RUNX1T1: variants seen among roughly 807,000 people sequenced by gnomAD.
The protein encoded by RUNX1T1 is RUNX1 partner transcriptional co-repressor 1, also known as protein CBFA2T1.
A neutral mutation model predicts 62.8 loss-of-function variants in RUNX1T1; 4 were observed. That is an observed-to-expected ratio of 0.06 (90% CI 0.03 to 0.15). The LOEUF (loss-of-function observed/expected upper bound fraction) is 0.15. Among genes scored for constraint, RUNX1T1 ranks in the 10% least tolerant of loss-of-function variants. RUNX1T1 has a pLI of 1.00. For synonymous variants in RUNX1T1, 291 were observed against 286.0 expected, an observed-to-expected ratio of 1.02 and a Z score of -0.18; for missense variants, 508 against 754.3, an observed-to-expected ratio of 0.67 and a Z score of 3.82.
At chr8:92,082,991 T>C (rs1835518430) in intron 1 of RUNX1T1, among the ~76,000 whole-genome samples, 1 of 152,182 alleles carries the variant, frequency 6.6e-6, no homozygotes, top group Non-Finnish European at 1.5e-5. Flanking sequence ...GCCACTACAA[T>C]GGTTTTCAGC....
intron 1 of RUNX1T1, among the ~76,000 whole-genome samples, chr8:92,055,340 G>A (rs1230166953): frequency 6.6e-6 from 1 of 152,172 alleles, no homozygotes; most frequent in Non-Finnish European, 1.5e-5. Context: ...TTTTAAAGAT[G>A]TTCTTTAGAA....
chr8:91,961,948 T>C (rs542908241), intron 10 of RUNX1T1, among the ~76,000 whole-genome samples: 1 of 152,380 alleles, frequency 6.6e-6, no homozygotes, highest in Non-Finnish European at 1.5e-5. Context: ...TACTGTGTTC[T>C]CTACATTTGC....
At chr8:91,972,213 A>G (rs150423856) in intron 9 of RUNX1T1, among the ~76,000 whole-genome samples, 26 of 152,232 alleles carry the variant, frequency 1.7e-4, no homozygotes, top group African/African-American at 4.1e-4. Flanking sequence ...TGTTTCTTCA[A>G]TTCCTCTGGT....
chr8:92,007,524 C>A (rs1349853508), intron 4 of RUNX1T1, among the ~76,000 whole-genome samples: 2 of 151,682 alleles, frequency 1.3e-5, no homozygotes, highest in African/African-American at 4.8e-5. Flanking sequence ...AATGGGGATG[C>A]ATTCTGAGAG....
intron 1 of RUNX1T1, chr8:92,017,619 C>T (rs1475872084): frequency 1.3e-5 from 17 of 1,349,076 alleles, no homozygotes; most frequent in Non-Finnish European, 1.6e-5. Flanking sequence ...TAGGCAGATG[C>T]TACCTTGGTA....
At chr8:91,970,038 GTGTGT>G (rs1267311177) in intron 10 of RUNX1T1, among the ~76,000 whole-genome samples, 5 of 56,682 alleles carry the variant, frequency 8.8e-5, no homozygotes, top group East Asian at 6.8e-3. Context: ...GTGTGTGTGT[GTGTGT>G]TGTGTGTGTG....
At chr8:92,011,554 G>A (rs1173189018) in intron 3 of RUNX1T1, among the ~76,000 whole-genome samples, 1 of 152,164 alleles carries the variant, frequency 6.6e-6, no homozygotes, top group Non-Finnish European at 1.5e-5. Flanking sequence ...TCCTCCTCCT[G>A]TATTTCCATC....
chr8:91,978,343 T>C (rs537102874), intron 8 of RUNX1T1, among the ~76,000 whole-genome samples: 20 of 152,298 alleles, frequency 1.3e-4, no homozygotes, highest in African/African-American at 3.6e-4. Context: ...GCTGTGAAGA[T>C]TGAAGGAAGT....
intron 5 of RUNX1T1, among the ~76,000 whole-genome samples, chr8:92,003,722 T>C (rs1422659063): frequency 6.6e-6 from 1 of 152,200 alleles, no homozygotes; most frequent in Non-Finnish European, 1.5e-5. Context: ...TTGAGCCACC[T>C]CTTGGTTTTC....
intron 5 of RUNX1T1, among the ~76,000 whole-genome samples, chr8:91,998,572 CA>C (rs1457578023): frequency 6.6e-6 from 1 of 152,180 alleles, no homozygotes; most frequent in Non-Finnish European, 1.5e-5. Flanking sequence ...TTGCAATATG[CA>C]GGTTGGGGGA....
intron 4 of RUNX1T1, among the ~76,000 whole-genome samples, chr8:92,008,388 T>TCA (rs566293413): frequency 0.12 from 15,481 of 131,726 alleles, 967 homozygotes; most frequent in South Asian, 0.21. Context: ...TCTCTCTCTC[T>TCA]CACACACACA....
At chr8:92,074,382 ACT>A (rs1426456440) in intron 2 of RUNX1T1, among the ~76,000 whole-genome samples, 1 of 152,062 alleles carries the variant, frequency 6.6e-6, no homozygotes, top group Non-Finnish European at 1.5e-5. Flanking sequence ...AAAGATAGTA[ACT>A]CTATGTATCT....
intron 6 of RUNX1T1, among the ~76,000 whole-genome samples, chr8:91,991,230 T>C (rs1011072502): frequency 6.6e-6 from 1 of 152,174 alleles, no homozygotes; most frequent in Non-Finnish European, 1.5e-5. Flanking sequence ...ACGTAGAGAC[T>C]ATCTGAAACA....
intron 3 of RUNX1T1, among the ~76,000 whole-genome samples, chr8:92,013,388 C>A (rs1340305744): frequency 6.6e-6 from 1 of 152,178 alleles, no homozygotes; most frequent in African/African-American, 2.4e-5. Flanking sequence ...ATTGCAAAAT[C>A]TCTGTCAAAT....
At chr8:92,077,490 T>A (rs1246442639) in intron 1 of RUNX1T1, among the ~76,000 whole-genome samples, 1 of 152,118 alleles carries the variant, frequency 6.6e-6, no homozygotes, top group African/African-American at 2.4e-5. Context: ...CATCTAGATG[T>A]TAAATATGAT....
At chr8:92,035,124 G>A (rs1002852508) in intron 1 of RUNX1T1, among the ~76,000 whole-genome samples, 103 of 151,772 alleles carry the variant, frequency 6.8e-4, no homozygotes, top group Non-Finnish European at 1.3e-3. Flanking sequence ...GTGAAACGCC[G>A]TCTCTACTAA....
intron 3 of RUNX1T1, among the ~76,000 whole-genome samples, chr8:92,013,188 A>C (rs1207657070): frequency 6.6e-6 from 1 of 152,252 alleles, no homozygotes; most frequent in Non-Finnish European, 1.5e-5. Context: ...CTTATTATGC[A>C]AATTCAAGAA....
At chr8:92,083,186 G>T (rs557470988) in intron 1 of RUNX1T1, among the ~76,000 whole-genome samples, 1 of 152,090 alleles carries the variant, frequency 6.6e-6, no homozygotes, top group Non-Finnish European at 1.5e-5. Flanking sequence ...TGACCACTTC[G>T]CAGTTTGCCT....
intron 1 of RUNX1T1, among the ~76,000 whole-genome samples, chr8:92,037,544 T>C (rs1035739709): frequency 3.3e-5 from 5 of 152,048 alleles, no homozygotes; most frequent in African/African-American, 9.7e-5. Context: ...CCAGGCATGG[T>C]GGCATGCATC....
Sources: allele counts gnomAD v4.1 joint callset (sites outside exome capture counted in the v4.1 genomes callset), GRCh38; gene constraint gnomAD v4.1.1; transcripts MANE v1.5; gene names NCBI Gene and HGNC (gene_info 2026-07-23, HGNC 2026-07-21).